USB1: variants seen among roughly 807,000 people sequenced by gnomAD.
USB1 encodes the protein U6 snRNA phosphodiesterase 1.
USB1 carries 21 observed loss-of-function variants against 29.9 expected under a neutral mutation model. The ratio of observed to expected loss-of-function variants is 0.70; its 90% CI spans 0.50 to 1.01. USB1 has a LOEUF of 1.01. Ranked by LOEUF, USB1 falls within the 50% of genes least tolerant of loss-of-function variation. USB1 has a pLI of 0.00. For missense variants in USB1, 330 were observed against 347.1 expected (o/e 0.95, Z 0.39); for synonymous variants, 143 against 134.9 (o/e 1.06, Z -0.42).
At chr16:58,016,224 T>C (rs1963611465) in intron 4 of USB1, 1 of 152,096 alleles carries the variant, frequency 6.6e-6, no homozygotes, top group African/African-American at 2.4e-5. Context: ...AAATTACCAA[T>C]GGGTTGGATT....
chr16:58,003,328 G>A (rs909539484), intron 2 of USB1, among the ~76,000 whole-genome samples: 6 of 152,212 alleles, frequency 3.9e-5, no homozygotes, highest in Admixed American at 3.3e-4. Flanking sequence ...TTGAGAGGCT[G>A]AGGTAGGCGG....
intron 6 of USB1, 128 bp downstream of exon 6, chr16:58,019,183 C>A: frequency 3.3e-6 from 3 of 898,220 alleles, no homozygotes; most frequent in Admixed American, 2.0e-5. Context: ...CAGGAGACCC[C>A]AACACCTTCC....
rs190747819 is a variant in USB1, at chr16:58,004,853, G to T, written c.265+2208G>T. On this transcript the variant is annotated intron_variant, in intron 2 of 6. Coordinates refer to ENST00000219281, the MANE Select transcript of USB1 (RefSeq NM_024598.4). The stretch of plus-strand genomic sequence containing the variant: ...AAAGAGATAAGAGAAAAGACAGCTG[G>T]GCCCGGGGGACCACTACTACCAAGA... Among the ~76,000 whole-genome samples, 7 of 151,970 alleles carry T rather than the reference G, an allele frequency of 4.6e-5. 1 individual carries two copies. Among genetic ancestry groups the T allele is most frequent in the African/African-American group, 1.7e-4 (7 of 41,560 alleles).
intron 6 of USB1, 74 bp downstream of exon 6, chr16:58,019,129 G>A: frequency 6.7e-7 from 1 of 1,482,940 alleles, no homozygotes; most frequent in Non-Finnish European, 9.3e-7. Flanking sequence ...AGAGGGGGAG[G>A]ATGAGGCACC....
chr16:58,011,052 A>G (rs1963483100), intron 3 of USB1: 3 of 763,078 alleles, frequency 3.9e-6, no homozygotes, highest in Admixed American at 2.0e-5. Flanking sequence ...CATTGGAACC[A>G]AAGATGCCCC....
At chr16:58,012,207 G>A (rs776874061) in intron 3 of USB1, 115 of 1,500,046 alleles carry the variant, frequency 7.7e-5, no homozygotes, top group Non-Finnish European at 9.4e-5. Flanking sequence ...CCAGACACTC[G>A]GCCAGGGAAT....
Position 58,013,234 on chromosome 16 carries a change from G to C in USB1, c.450-1039G>C. 8 of 985,440 alleles carry C rather than the reference G, an allele frequency of 8.1e-6. No individual in the cohort carries two copies. The highest frequency in any genetic ancestry group is 9.6e-6 in the Non-Finnish European group (8 of 829,954). 61.0% of individuals were successfully genotyped at this position (985,440 alleles called of 1,614,324 possible). On this transcript the variant is annotated intron_variant, in intron 3 of 6. Coordinates refer to ENST00000219281, the MANE Select transcript of USB1 (RefSeq NM_024598.4). This position sits in a 1 kb window ranked among gnomAD's most constrained non-coding sequence, Gnocchi z 4.3. Reference sequence around the variant, plus strand: ...CGAGGTTACCAGGAGAAGGAGTTTTGGTTGGGCACAGACATCCAGTGTCCA... The same window carrying C: ...CGAGGTTACCAGGAGAAGGAGTTTTCGTTGGGCACAGACATCCAGTGTCCA...
Position 58,010,112 on chromosome 16 carries a change from GGTGA to G in USB1, c.449+4_449+7del, listed in dbSNP as rs1392358550. On this transcript the variant is annotated splice_donor_variant and splice_donor_region_variant and intron_variant, in intron 3 of 6. Coordinates refer to ENST00000219281, the MANE Select transcript of USB1 (RefSeq NM_024598.4). LOFTEE classifies it high-confidence loss of function. ...AAAGCCCGTATGACCTCCTTCCACAGGTGAGTGCTTCTTCCCTCTGCCTCTCCAC... is the reference window on the plus strand; with the variant it reads ...AAAGCCCGTATGACCTCCTTCCACAGGTGCTTCTTCCCTCTGCCTCTCCAC... The G allele has an allele frequency of 6.2e-7, 1 of 1,613,920 alleles. No homozygotes were observed. Among genetic ancestry groups the G allele is most frequent in the African/African-American group, 1.3e-5 (1 of 74,970 alleles).
chr16:58,018,519 C>T (rs918504902), intron 5 of USB1, among the ~76,000 whole-genome samples: 4 of 151,988 alleles, frequency 2.6e-5, no homozygotes, highest in African/African-American at 9.7e-5. Flanking sequence ...CCACTGCACC[C>T]GGCCAAGCGT....
rs1291242246 is a variant in USB1, at chr16:58,011,319, G to A, written c.449+1207G>A. ...ATGGGGGTGAAAGGAGATCATGGGT[G>A]CCCTCAGCACACCACTTGGGTGAAG... On this transcript the variant is annotated intron_variant, in intron 3 of 6. Coordinates refer to ENST00000219281, the MANE Select transcript of USB1 (RefSeq NM_024598.4). 5 of 1,407,152 alleles carry A rather than the reference G, an allele frequency of 3.6e-6. No individual in the cohort carries two copies. The Admixed American group carries it at 1.2e-4, about 33-fold the overall frequency. 87.2% of individuals were successfully genotyped at this position (1,407,152 alleles called of 1,614,324 possible). A position where few individuals can be genotyped will look rare whatever the true frequency, so the allele number is the denominator to read the frequency against.
intron 3 of USB1, chr16:58,012,510 CT>C: frequency 8.2e-7 from 1 of 1,215,456 alleles, no homozygotes; most frequent in Non-Finnish European, 1.1e-6. Flanking sequence ...GCTCTGTCCC[CT>C]TCCTTTGTCA....
intron 2 of USB1, among the ~76,000 whole-genome samples, chr16:58,009,650 G>A (rs1050090999): frequency 1.1e-4 from 16 of 151,626 alleles, no homozygotes; most frequent in East Asian, 1.9e-4. Context: ...GCATGAACCC[G>A]GGAAACGGAG....
chr16:58,018,520 G>A (rs950029995), intron 5 of USB1, among the ~76,000 whole-genome samples: 2 of 152,174 alleles, frequency 1.3e-5, no homozygotes, highest in South Asian at 2.1e-4. Context: ...CACTGCACCC[G>A]GCCAAGCGTG....
Position 58,002,467 on chromosome 16 carries a change from T to C in USB1, c.99-12T>C. ...GGATAAATGTACTCATTTTTCTTTT[T>C]TTCTTTTGCAGTGGCCAGAGCCCCC... On this transcript the variant is annotated splice_polypyrimidine_tract_variant and intron_variant, in intron 1 of 6. Coordinates refer to ENST00000219281, the MANE Select transcript of USB1 (RefSeq NM_024598.4). The C allele has an allele frequency of 6.2e-7, 1 of 1,613,668 alleles. No homozygotes were observed. Among genetic ancestry groups the C allele is most frequent in the South Asian group, 1.1e-5 (1 of 91,090 alleles).
intron 3 of USB1, 85 bp downstream of exon 3, chr16:58,010,197 G>A (rs1963460550): frequency 6.6e-7 from 1 of 1,524,650 alleles, no homozygotes; most frequent in Non-Finnish European, 9.0e-7. Context: ...CATTACCCCA[G>A]CAGGCAGGCA....
At chr16:58,014,522 C>T (rs950743057) in intron 4 of USB1, among the ~76,000 whole-genome samples, 196 bp downstream of exon 4, 14 of 152,220 alleles carry the variant, frequency 9.2e-5, no homozygotes, top group Non-Finnish European at 1.0e-4. Flanking sequence ...GTAGCGCATG[C>T]CTGTAATTCC....
At chr16:58,001,377 T>A (rs539113150), upstream of USB1, 137 of 1,324,098 alleles carry the variant, frequency 1.0e-4, no homozygotes, top group East Asian at 2.6e-3. Context: ...CCCGAGGCGG[T>A]GCCAGCCCAG....
intron 3 of USB1, chr16:58,011,343 A>G (rs1214618814): frequency 1.5e-6 from 2 of 1,371,598 alleles, no homozygotes; most frequent in African/African-American, 1.5e-5. Flanking sequence ...ACTTGGGTGA[A>G]GGGTTAGTAC....
chr16:58,018,940 G>A, intron 5 of USB1, 32 bp from the exon 6 acceptor site: 1 of 1,611,628 alleles, frequency 6.2e-7, no homozygotes, highest in Admixed American at 1.7e-5. Context: ...AAGGCGTCCG[G>A]GTGACTGCCT....
Sources: allele counts gnomAD v4.1 joint callset (sites outside exome capture counted in the v4.1 genomes callset), GRCh38; gene constraint gnomAD v4.1.1; non-coding constraint Gnocchi (gnomAD v3.1); transcripts MANE v1.5; gene names NCBI Gene and HGNC (gene_info 2026-07-23, HGNC 2026-07-21).